Variants in PGBD5 observed in about 807,000 individuals in gnomAD.
PGBD5 encodes the protein piggyBac transposable element derived 5.
PGBD5 carries 14 observed loss-of-function variants against 47.9 expected under a neutral mutation model. The ratio of observed to expected loss-of-function variants is 0.29; its 90% CI spans 0.19 to 0.46. The LOEUF (loss-of-function observed/expected upper bound fraction) is 0.46. PGBD5 is among the 20% of genes least tolerant of loss of function. The pLI is 1.00. For synonymous variants in PGBD5, 316 were observed against 306.3 expected (o/e 1.03, Z -0.33); for missense variants, 635 against 716.0 (o/e 0.89, Z 1.29).
intron 1 of PGBD5, among the ~76,000 whole-genome samples, chr1:230,387,142 T>C (rs1305101946): frequency 6.6e-6 from 1 of 152,172 alleles, no homozygotes; most frequent in Non-Finnish European, 1.5e-5. Context: ...GTCTAGCAGA[T>C]AGGAAATGGT....
intron 1 of PGBD5, among the ~76,000 whole-genome samples, chr1:230,395,884 C>A (rs369665207): frequency 9.7e-5 from 6 of 61,686 alleles, no homozygotes; most frequent in East Asian, 4.7e-4. Context: ...CATCCAAGTT[C>A]CTCTCTTACT....
At chr1:230,370,713 C>T (rs1178774193) in intron 1 of PGBD5, among the ~76,000 whole-genome samples, 1 of 152,196 alleles carries the variant, frequency 6.6e-6, no homozygotes, top group Non-Finnish European at 1.5e-5. Flanking sequence ...GGAGTCTCTG[C>T]CCTTGACCAC....
At chr1:230,330,521 G>A (rs1055177274) in intron 5 of PGBD5, among the ~76,000 whole-genome samples, 2 of 152,016 alleles carry the variant, frequency 1.3e-5, no homozygotes, top group Non-Finnish European at 2.9e-5. Flanking sequence ...TACAGAAGAC[G>A]ATCTCTCTTC....
At chr1:230,358,642 T>G in intron 1 of PGBD5, among the ~76,000 whole-genome samples, 1 of 151,940 alleles carries the variant, frequency 6.6e-6, no homozygotes, top group East Asian at 1.9e-4. Context: ...AGGATGGTGG[T>G]CCCATGTAAT....
At chr1:230,418,869 C>T (rs999666543) in intron 1 of PGBD5, among the ~76,000 whole-genome samples, 7 of 152,156 alleles carry the variant, frequency 4.6e-5, no homozygotes, top group African/African-American at 1.7e-4. Flanking sequence ...GTGCTGTGCA[C>T]GAATGTCTCA....
At chr1:230,409,179 G>C (rs1657363022) in intron 1 of PGBD5, among the ~76,000 whole-genome samples, 1 of 152,110 alleles carries the variant, frequency 6.6e-6, no homozygotes, top group South Asian at 2.1e-4. Flanking sequence ...CACCTACCAG[G>C]AAGGCTGGAA....
At position 230,339,941 on chromosome 1, in the gene PGBD5, T is replaced by A. The variant is rs1012588947; in HGVS notation, c.895-2653A>T. Among the ~76,000 whole-genome samples, 11 of 152,278 alleles carry A rather than the reference T, an allele frequency of 7.2e-5. No individual in the cohort carries two copies. In the East Asian group the frequency reaches 7.7e-4, roughly 11 times the overall value. ...CTATGGTACCACATGGTGACTAAAG[T>A]TAATAACAATATATTCTTGGAAATT... On this transcript the variant is annotated intron_variant, in intron 3 of 6. Transcript: ENST00000391860.
intron 3 of PGBD5, among the ~76,000 whole-genome samples, chr1:230,344,526 G>A (rs954201489): frequency 4.6e-5 from 7 of 152,328 alleles, no homozygotes; most frequent in South Asian, 4.1e-4. Context: ...GTAAGTGTTC[G>A]TCATTCTTTC....
intron 3 of PGBD5, among the ~76,000 whole-genome samples, chr1:230,349,825 C>T (rs1180673393): frequency 6.6e-6 from 1 of 152,190 alleles, no homozygotes; most frequent in East Asian, 1.9e-4. Context: ...GAATTCTGCT[C>T]TGGGATAGGT....
intron 3 of PGBD5, among the ~76,000 whole-genome samples, chr1:230,350,338 G>A (rs74143192): frequency 0.045 from 6,846 of 152,276 alleles, 492 homozygotes; most frequent in African/African-American, 0.15. Context: ...CTTTTCCTGG[G>A]AGTATCATCA....
chr1:230,420,558 G>C (rs1028113956), intron 1 of PGBD5, among the ~76,000 whole-genome samples: 2 of 152,128 alleles, frequency 1.3e-5, no homozygotes, highest in South Asian at 4.1e-4. Flanking sequence ...TGCTGTTCTC[G>C]TGACAGTGAG....
At chr1:230,333,456 G>C (rs3811480) in intron 4 of PGBD5, among the ~76,000 whole-genome samples, 60,606 of 152,048 alleles carry the variant, frequency 0.4, 13,319 homozygotes, top group Non-Finnish European at 0.47. Flanking sequence ...TAGAGAAGAA[G>C]AACTGAGACT....
At chr1:230,391,176 C>CT (rs11435514) in intron 1 of PGBD5, among the ~76,000 whole-genome samples, 49,180 of 150,500 alleles carry the variant, frequency 0.33, 9,167 homozygotes, top group African/African-American at 0.49. Context: ...CGGGAGGGAG[C>CT]TGCTACCAGC....
chr1:230,360,215 G>A (rs1270933366), intron 1 of PGBD5, among the ~76,000 whole-genome samples: 1 of 152,174 alleles, frequency 6.6e-6, no homozygotes, highest in Admixed American at 6.5e-5. Flanking sequence ...GCAACCCCTG[G>A]CCTGGGCCAG....
At chr1:230,333,882 T>C (rs1292202355) in intron 4 of PGBD5, among the ~76,000 whole-genome samples, 1 of 152,110 alleles carries the variant, frequency 6.6e-6, no homozygotes, top group Non-Finnish European at 1.5e-5. Flanking sequence ...TCAAGGCCTT[T>C]CAGGTCCTTC....
chr1:230,330,550 AG>A (rs58436371), intron 5 of PGBD5, among the ~76,000 whole-genome samples: 14,338 of 152,224 alleles, frequency 0.094, 1,255 homozygotes, highest in African/African-American at 0.24. Flanking sequence ...AAGAACTCTA[AG>A]ATGTGAACCC....
intron 1 of PGBD5, among the ~76,000 whole-genome samples, chr1:230,416,345 G>A (rs187930596): frequency 1.3e-3 from 201 of 152,142 alleles, no homozygotes; most frequent in Middle Eastern, 6.8e-3. Flanking sequence ...ATTTTTTACC[G>A]GCACCGAATC....
In PGBD5 at chr1:230,389,415, C is replaced by T. The variant is rs992338463; in HGVS notation, c.332-32094G>A. On this transcript the variant is annotated intron_variant, in intron 1 of 6. Coordinates refer to ENST00000391860, the MANE Select transcript of PGBD5 (RefSeq NM_001258311.2). The stretch of plus-strand genomic sequence containing the variant: ...CTCGGACTCCTGACCTCAGGTGATC[C>T]ACCCGCCTCAGCCTCCCAAAGTGCT... Among the ~76,000 whole-genome samples the T allele has an allele frequency of 5.9e-5, 9 of 152,296 alleles. No individual in the cohort carries two copies. The East Asian group carries it at 9.6e-4, about 16-fold the overall frequency.
At chr1:230,422,470 A>T (rs1326656580) in intron 1 of PGBD5, among the ~76,000 whole-genome samples, 1 of 152,150 alleles carries the variant, frequency 6.6e-6, no homozygotes, top group East Asian at 1.9e-4. Flanking sequence ...AAGTCTGGTT[A>T]AGAGAGGGTC....
Sources: gnomAD v4.1 joint callset for allele counts (sites outside exome capture counted in the v4.1 genomes callset) on GRCh38, gnomAD v4.1.1 for gene constraint, MANE v1.5 for transcripts, NCBI Gene and HGNC (gene_info 2026-07-23, HGNC 2026-07-21) for gene names.